PRSS36: variants seen among roughly 807,000 people sequenced by gnomAD.
PRSS36 encodes serine protease 36.
Under a neutral mutation model 94.3 loss-of-function variants are expected in PRSS36, and 90 were observed. The observed-to-expected ratio is 0.95, with a 90% confidence interval of 0.80 to 1.14. The LOEUF is 1.14. Among genes scored for constraint, PRSS36 ranks in the 50% most tolerant of loss-of-function variants. PRSS36 has a pLI of 0.00. For missense variants in PRSS36, 1,158 were observed against 1,135.0 expected (o/e 1.02, Z -0.29); for synonymous variants, 500 against 489.6 (o/e 1.02, Z -0.28).
At position 31,142,837 on chromosome 16, in the gene PRSS36, G is replaced by T; in HGVS notation, c.1257C>A (p.Pro419=). The T allele has an allele frequency of 6.4e-7, 1 of 1,551,848 alleles. No homozygotes were observed. The highest frequency in any genetic ancestry group is 2.6e-5 in the East Asian group (1 of 38,758). ...GCCGCGAAGCCGCGCTCAGGTTCAC[G>T]GGCGTGCGCAGCTGCAGCAGCGCCA... ...SDLALLQLRT[P]VNLSAASRPV... Residue 419 remains proline (P), a synonymous_variant, in exon 9 of 15, where the codon CCC becomes CCA. Transcript: ENST00000268281.
rs1261379555 is a variant in PRSS36, at chr16:31,141,939, A to G, written c.1543T>C (p.Leu515=). The change falls in exon 11 of 15, where the codon TTG becomes CTG. Residue 515 remains leucine, a synonymous_variant. Coordinates refer to ENST00000268281, the MANE Select transcript of PRSS36 (RefSeq NM_173502.5). ...SCWNDSRWSL[L]CQEEGTWFLA... ...AACCAGGTCCCCTCCTCCTGGCACAAAAGGCTCCAACGCGAGTCATTCTGC... is the reference window on the plus strand; with the variant it reads ...AACCAGGTCCCCTCCTCCTGGCACAGAAGGCTCCAACGCGAGTCATTCTGC... 6 of 1,614,118 alleles carry G rather than the reference A, an allele frequency of 3.7e-6. No homozygotes were observed. The highest frequency in any genetic ancestry group is 5.1e-6 in the Non-Finnish European group (6 of 1,180,010).
In PRSS36 at chr16:31,141,524, T is replaced by C; in HGVS notation, c.1846A>G (p.Thr616Ala). ...EVHVAGDRVC[T>A]GILLAPGWVL... ...CAGCCTGGGGCCAGGAGGATCCCAGTGCAGACTCGATCACCAGCCACATGC... is the reference window on the plus strand; with the variant it reads ...CAGCCTGGGGCCAGGAGGATCCCAGCGCAGACTCGATCACCAGCCACATGC... The change falls in exon 12 of 15, where the codon ACT (threonine) becomes GCT (alanine). Residue 616 changes from threonine to alanine, a missense_variant. Thr to Ala is a moderately conservative substitution (Grantham distance 58). Coordinates refer to ENST00000268281, the MANE Select transcript of PRSS36 (RefSeq NM_173502.5). 1 of 1,613,036 alleles carries C rather than the reference T, an allele frequency of 6.2e-7. No homozygotes were observed. Among genetic ancestry groups the C allele is most frequent in the South Asian group, 1.1e-5 (1 of 91,068 alleles).
chr16:31,143,744 G>A lies in PRSS36; in HGVS notation c.814C>T (p.Arg272Cys), dbSNP rs753254141. 2.5e-6 allele frequency: 4 copies of A among 1,614,128 alleles called. No individual in the cohort carries two copies. The highest frequency in any genetic ancestry group is 1.7e-5 in the Admixed American group (1 of 60,028). The change falls in exon 7 of 15, where the codon CGC (arginine) becomes TGC (cysteine). Residue 272 changes from arginine (R) to cysteine (C), a missense_variant. Coordinates refer to ENST00000268281, the MANE Select transcript of PRSS36 (RefSeq NM_173502.5). ...GCCACAGCAGTGAAAACTCCAGGGCGGTTTCTCCGTCCACAGCCAAAGCCA... is the reference window on the plus strand; with the variant it reads ...GCCACAGCAGTGAAAACTCCAGGGCAGTTTCTCCGTCCACAGCCAAAGCCA... ...SFGFGCGRRNRPGVFTAVATY... is the reference protein window; with the variant it reads ...SFGFGCGRRNCPGVFTAVATY...
At position 31,141,881 on chromosome 16, in the gene PRSS36, C is replaced by G. The variant is rs572995530; in HGVS notation, c.1601G>C (p.Cys534Ser). The change falls in exon 11 of 15, where the codon TGT becomes TCT. Residue 534 changes from cysteine to serine, a missense_variant. Transcript: ENST00000268281. ...AGGGAAGAAGGCTCGGGGACGTAGA[C>G]AGCCACTGGGAAAGTCTCTGATTCC... The part of the protein sequence containing the change: ...LAGIRDFPSG[C>S]LRPRAFFPLQ... 3 of 1,614,042 alleles carry G rather than the reference C, an allele frequency of 1.9e-6. No individual in the cohort carries two copies. Among genetic ancestry groups the G allele is most frequent in the Non-Finnish European group, 1.7e-6 (2 of 1,180,042 alleles).
intron 10 of PRSS36, 75 bp from the exon 11 acceptor site, chr16:31,142,035 G>A (rs2057703442): frequency 1.4e-5 from 18 of 1,332,330 alleles, no homozygotes; most frequent in Non-Finnish European, 1.8e-5. Context: ...GGGCTTTCCA[G>A]GACTCCAGAT....
Position 31,148,420 on chromosome 16 carries a change from G to C in PRSS36, c.528C>G (p.Thr176=). ...CTGCCTCCTGGACGTCTCCCCAGCCGGTGGCCCAGCAGGCGGTGCCGTGCA... is the reference window on the plus strand; with the variant it reads ...CTGCCTCCTGGACGTCTCCCCAGCCCGTGGCCCAGCAGGCGGTGCCGTGCA... ...RFVHGTACWA[T]GWGDVQEADP... Residue 176 remains threonine, a synonymous_variant, in exon 5 of 15, where the codon ACC becomes ACG. Coordinates refer to ENST00000268281, the MANE Select transcript of PRSS36 (RefSeq NM_173502.5). 1.9e-6 allele frequency: 3 copies of C among 1,572,040 alleles called. No homozygotes were observed. Among genetic ancestry groups the C allele is most frequent in the Non-Finnish European group, 2.6e-6 (3 of 1,167,572 alleles).
At chr16:31,142,392 GC>G in intron 10 of PRSS36, 88 bp downstream of exon 10, 1 of 1,339,688 alleles carries the variant, frequency 7.5e-7, no homozygotes, top group South Asian at 1.6e-5. Flanking sequence ...TCTCCCTAGA[GC>G]CCACTTGGAC....
rs777963110 is a variant in PRSS36, at chr16:31,141,738, G to T, written c.1744C>A (p.His582Asn). 6.2e-7 allele frequency: 1 copy of T among 1,613,618 alleles called. No individual in the cohort carries two copies. The highest frequency in any genetic ancestry group is 8.5e-7 in the Non-Finnish European group (1 of 1,179,580). ...EETETQTCPP[H>N]TEHGACGLRL... ...TCCTGCTCACCACCATGCTCTGTGT[G>T]TGGGGGACAAGTCTGTGTCTCAGTC... The change falls in exon 11 of 15, where the codon CAC becomes AAC. Residue 582 changes from histidine to asparagine, a missense_variant. Transcript: ENST00000268281.
At chr16:31,143,553 T>A (rs1428638126) in intron 7 of PRSS36, 35 bp downstream of exon 7, 2 of 1,612,690 alleles carry the variant, frequency 1.2e-6, no homozygotes, top group Non-Finnish European at 1.7e-6. Context: ...CACTCTCCCA[T>A]GTCCCGCTTA....
chr16:31,140,285 C>T lies in PRSS36; in HGVS notation c.2289+9G>A. On this transcript the variant is annotated intron_variant, in intron 14 of 14. Coordinates refer to ENST00000268281, the MANE Select transcript of PRSS36 (RefSeq NM_173502.5). ...CCCTGCCTACTCCAGGACGCCCAGG[C>T]CCCTGTACCTCACACCTGTTCTCCT... The T allele has an allele frequency of 6.2e-7, 1 of 1,606,250 alleles. No individual in the cohort carries two copies.
At chr16:31,145,254 T>C (rs2057779235) in intron 6 of PRSS36, among the ~76,000 whole-genome samples, 1 of 149,446 alleles carries the variant, frequency 6.7e-6, no homozygotes, top group African/African-American at 2.5e-5. Context: ...GCATCTGTGG[T>C]CCTAGCTACT....
chr16:31,139,433 A>C lies in PRSS36; in HGVS notation c.2290-17T>G, dbSNP rs1249095333. The C allele has an allele frequency of 6.2e-7, 1 of 1,605,916 alleles. No individual in the cohort carries two copies. The highest frequency in any genetic ancestry group is 8.5e-7 in the Non-Finnish European group (1 of 1,174,578). On this transcript the variant is annotated splice_polypyrimidine_tract_variant and intron_variant, in intron 14 of 14. Coordinates refer to ENST00000268281, the MANE Select transcript of PRSS36 (RefSeq NM_173502.5). ...TGAGGTCATCTGCAGAGTTGGAGCG[A>C]GGCCACGTGGGTCTGCTGCCCTTCC...
rs947458718 is a variant in PRSS36 at position 31,142,814 on chromosome 16, C to A, written c.1280G>T (p.Arg427Leu). The change falls in exon 9 of 15, where the codon CGG becomes CTG. Residue 427 changes from arginine (R) to leucine (L), a missense_variant. Physicochemically the swap from Arg to Leu is moderately radical, Grantham distance 102 (BLOSUM62 -2). Transcript: ENST00000268281. Reference sequence around the variant, plus strand: ...TTCCGGGTGGGGTAGGCACACGGGCCGCGAAGCCGCGCTCAGGTTCACGGG... The same window carrying A: ...TTCCGGGTGGGGTAGGCACACGGGCAGCGAAGCCGCGCTCAGGTTCACGGG... ...RTPVNLSAAS[R>L]PVCLPHPEHY... 1.3e-6 allele frequency: 2 copies of A among 1,527,386 alleles called. No individual in the cohort carries two copies. The highest frequency in any genetic ancestry group is 1.8e-6 in the Non-Finnish European group (2 of 1,139,268). 94.6% of individuals were successfully genotyped at this position (1,527,386 alleles called of 1,614,324 possible). A position where few individuals can be genotyped will look rare whatever the true frequency, so the allele number is the denominator to read the frequency against.
chr16:31,143,291 C>T (rs1567448397), intron 8 of PRSS36, 51 bp downstream of exon 8: 1 of 1,541,330 alleles, frequency 6.5e-7, no homozygotes. Context: ...GATGGTATCT[C>T]AGGCTGTAGG....
chr16:31,143,259 G>T, intron 8 of PRSS36, 83 bp downstream of exon 8: 1 of 1,510,434 alleles, frequency 6.6e-7, no homozygotes, highest in South Asian at 1.3e-5. Flanking sequence ...CACACCCCCT[G>T]GGGAGGGGCT....
At chr16:31,139,707 C>G (rs2144017016) in intron 14 of PRSS36, among the ~76,000 whole-genome samples, 1 of 151,688 alleles carries the variant, frequency 6.6e-6, no homozygotes, top group Middle Eastern at 3.4e-3. Context: ...TGGTGAAACC[C>G]TGTCTCTACT....
intron 5 of PRSS36, among the ~76,000 whole-genome samples, chr16:31,146,451 G>A (rs566870188): frequency 4.6e-5 from 7 of 152,294 alleles, no homozygotes; most frequent in African/African-American, 1.7e-4. Flanking sequence ...ACTAGTTGAG[G>A]CTGCATAGCT....
At position 31,140,664 on chromosome 16, in the gene PRSS36, G is replaced by A. The variant is rs2057671920; in HGVS notation, c.1995C>T (p.Val665=). 2 of 1,613,954 alleles carry A rather than the reference G, an allele frequency of 1.2e-6. No homozygotes were observed. The highest frequency in any genetic ancestry group is 1.7e-6 in the Non-Finnish European group (2 of 1,179,942). Residue 665 remains valine, a synonymous_variant, in exon 13 of 15, where the codon GTC becomes GTT. Transcript: ENST00000268281. ...GGTGCTGGGGCAGCCGGATGCTGAT[G>A]ACCAAGCGGGATACCTGGTGGCCCT... ...LPQGHQVSRL[V]ISIRLPQHLG...
rs1401176332 is a variant in PRSS36 at position 31,142,497 on chromosome 16, T to A, written c.1505A>T (p.Glu502Val). ...GCCGCTTACCCAGCAGCTGCCCACC[T>A]CCTCCTTTTCCTGGTAGGCAGGGCA... The part of the protein sequence containing the change: ...ALCPAYQEKE[E>V]VGSCWNDSRW... Residue 502 changes from glutamate (E) to valine (V), a missense_variant, in exon 10 of 15, where the codon GAG (glutamate) becomes GTG (valine). By Grantham distance (121) the Glu-to-Val change is moderately radical (BLOSUM62 -2). Transcript: ENST00000268281. 1.3e-6 allele frequency: 2 copies of A among 1,485,446 alleles called. No individual in the cohort carries two copies. The highest frequency in any genetic ancestry group is 2.3e-5 in the Admixed American group (1 of 43,030). The allele number at this position is 1,485,446 out of a possible 1,614,324, so 92.0% of individuals were successfully genotyped here.
Sources: gnomAD v4.1 joint callset for allele counts (sites outside exome capture counted in the v4.1 genomes callset) on GRCh38, gnomAD v4.1.1 for gene constraint, MANE v1.5 for transcripts, NCBI Gene and HGNC (gene_info 2026-07-23, HGNC 2026-07-21) for gene names.